Variants in CYYR1 observed in about 807,000 individuals in gnomAD.
CYYR1 encodes cysteine and tyrosine-rich protein 1.
In CYYR1, 14 loss-of-function variants were observed where a neutral mutation model predicts 15.2. That is an observed-to-expected ratio of 0.92 (90% CI 0.61 to 1.44). CYYR1 has a LOEUF of 1.44. Ranked by LOEUF, CYYR1 falls within the 40% of genes most tolerant of loss-of-function variation. CYYR1 has a pLI of 0.00. For synonymous variants in CYYR1, 80 were observed against 77.4 expected, an observed-to-expected ratio of 1.03 and a Z score of -0.18; for missense variants, 228 against 209.5, an observed-to-expected ratio of 1.09 and a Z score of -0.54.
At chr21:26,547,074 A>C (rs1193630652) in intron 2 of CYYR1, among the ~76,000 whole-genome samples, 1 of 151,852 alleles carries the variant, frequency 6.6e-6, no homozygotes, top group Non-Finnish European at 1.5e-5. Flanking sequence ...GGGTGCAAGG[A>C]CTCATTTTTA....
intron 3 of CYYR1, chr21:26,477,944 G>T (rs1185352757): frequency 1.5e-6 from 2 of 1,372,586 alleles, no homozygotes; most frequent in African/African-American, 3.0e-5. Context: ...CTTTTGTAGT[G>T]AGTACATTCC....
chr21:26,562,799 AACACACAC>A (rs57351372), intron 2 of CYYR1, among the ~76,000 whole-genome samples: 6 of 132,610 alleles, frequency 4.5e-5, no homozygotes, highest in South Asian at 2.6e-4. Context: ...GACATACACA[AACACACAC>A]ACACACACAC....
At chr21:26,539,312 C>T (rs1375239730) in intron 2 of CYYR1, among the ~76,000 whole-genome samples, 1 of 152,092 alleles carries the variant, frequency 6.6e-6, no homozygotes, top group Non-Finnish European at 1.5e-5. Flanking sequence ...TTTCACGAGC[C>T]AAGCAGGGGA....
intron 2 of CYYR1, among the ~76,000 whole-genome samples, chr21:26,543,946 T>C (rs1030409205): frequency 3.3e-4 from 50 of 151,806 alleles, no homozygotes; most frequent in African/African-American, 1.2e-3. Flanking sequence ...ATAAAATAAA[T>C]GGTCACACAT....
At chr21:26,537,338 T>C (rs222945) in intron 2 of CYYR1, among the ~76,000 whole-genome samples, 3,647 of 152,256 alleles carry the variant, frequency 0.024, 61 homozygotes, top group South Asian at 0.086. Context: ...ATCCTTTTTT[T>C]GCTTCACAAC....
At chr21:26,480,952 T>C (rs202120772) in intron 2 of CYYR1, among the ~76,000 whole-genome samples, 2 of 152,150 alleles carry the variant, frequency 1.3e-5, no homozygotes, top group South Asian at 2.1e-4. Context: ...TTCATATTTT[T>C]AAGCTACCCA....
At chr21:26,525,413 C>T (rs377004575) in intron 2 of CYYR1, among the ~76,000 whole-genome samples, 2 of 152,146 alleles carry the variant, frequency 1.3e-5, no homozygotes, top group South Asian at 2.1e-4. Flanking sequence ...AAGCAGTGAG[C>T]GTGGTTCCAG....
intron 2 of CYYR1, among the ~76,000 whole-genome samples, chr21:26,496,108 GTCAAA>G (rs1205117738): frequency 6.6e-6 from 1 of 152,212 alleles, no homozygotes; most frequent in East Asian, 1.9e-4. Flanking sequence ...TGGGCCTTAA[GTCAAA>G]TCGGTTAAAT....
At chr21:26,538,398 A>T (rs1978332866) in intron 2 of CYYR1, among the ~76,000 whole-genome samples, 2 of 152,196 alleles carry the variant, frequency 1.3e-5, no homozygotes, top group South Asian at 4.1e-4. Flanking sequence ...TCTTAATTTA[A>T]TTTCCAAGAG....
In CYYR1 at chr21:26,525,550, C is replaced by G. The variant is rs1312243738; in HGVS notation, c.176+40716G>C. Among the ~76,000 whole-genome samples the G allele has an allele frequency of 4.6e-5, 7 of 152,236 alleles. No individual in the cohort carries two copies. The East Asian group carries it at 1.4e-3, about 29-fold the overall frequency. ...TTTAGATTTCTATTCCTATTTTTGG[C>G]CCATGAAGATATTTATCTCATTTTT... On this transcript the variant is annotated intron_variant, in intron 2 of 3. Coordinates refer to ENST00000652641, the MANE Select transcript of CYYR1 (RefSeq NM_001320768.2).
At chr21:26,510,481 A>G (rs1163379256) in intron 2 of CYYR1, among the ~76,000 whole-genome samples, 2 of 152,234 alleles carry the variant, frequency 1.3e-5, no homozygotes, top group Non-Finnish European at 2.9e-5. Flanking sequence ...AAGATTACCG[A>G]AAGCAAAATT....
intron 2 of CYYR1, among the ~76,000 whole-genome samples, chr21:26,520,113 G>GATAGATATATATATATATATATATATAT (rs1323824516): frequency 2.5e-5 from 3 of 120,702 alleles, no homozygotes; most frequent in African/African-American, 1.0e-4. Flanking sequence ...AAACCCAGGA[G>GATAGATATATATATATATATATATATAT]ATATATATAT....
intron 2 of CYYR1, among the ~76,000 whole-genome samples, chr21:26,524,239 AT>A (rs1447427522): frequency 1.3e-5 from 2 of 152,134 alleles, no homozygotes; most frequent in Non-Finnish European, 2.9e-5. Context: ...TAACTATTTT[AT>A]TTCTCAAAAT....
intron 2 of CYYR1, among the ~76,000 whole-genome samples, chr21:26,545,653 C>T (rs370153162): frequency 1.1e-4 from 16 of 139,762 alleles, no homozygotes; most frequent in Non-Finnish European, 2.1e-4. Flanking sequence ...CTGCAAGCTC[C>T]GCCTCCCGGG....
At position 26,467,622 on chromosome 21, in the gene CYYR1, T is replaced by A. The variant is rs2064984051; in HGVS notation, c.*879A>T. ...TGCTACCTGTGGAACTTGATACAAT[T>A]TTTTTTTTCTCCCCACAGTTAGAAT... On this transcript the variant is annotated 3_prime_UTR_variant, in exon 4 of 4. Coordinates refer to ENST00000652641, the MANE Select transcript of CYYR1 (RefSeq NM_001320768.2). 1 of 150,958 alleles carries A rather than the reference T, an allele frequency of 6.6e-6. No homozygotes were observed. 9.4% of individuals were successfully genotyped at this position (150,958 alleles called of 1,614,324 possible). A position where few individuals can be genotyped will look rare whatever the true frequency, so the allele number is the denominator to read the frequency against.
intron 3 of CYYR1, among the ~76,000 whole-genome samples, chr21:26,476,953 G>T (rs554215376): frequency 3.9e-5 from 6 of 152,088 alleles, no homozygotes; most frequent in Non-Finnish European, 7.4e-5. Flanking sequence ...TGCAATTAAA[G>T]AGGACGTCTG....
intron 2 of CYYR1, among the ~76,000 whole-genome samples, chr21:26,509,914 T>C (rs1183258673): frequency 6.6e-6 from 1 of 152,188 alleles, no homozygotes. Flanking sequence ...ACTTGGCTAT[T>C]GGTGAGCACT....
intron 1 of CYYR1, among the ~76,000 whole-genome samples, chr21:26,572,028 A>T (rs1180813254): frequency 6.6e-6 from 1 of 152,242 alleles, no homozygotes; most frequent in Non-Finnish European, 1.5e-5. Flanking sequence ...TATCAAAGGT[A>T]AATTTCAGTG....
intron 2 of CYYR1, among the ~76,000 whole-genome samples, chr21:26,545,567 C>T (rs376003137): frequency 2.0e-3 from 149 of 73,662 alleles, no homozygotes; most frequent in Admixed American, 2.9e-3. Flanking sequence ...GATGCTTATT[C>T]TTTTTTTTTT....
Sources: allele counts gnomAD v4.1 joint callset (sites outside exome capture counted in the v4.1 genomes callset), GRCh38; gene constraint gnomAD v4.1.1; transcripts MANE v1.5; gene names NCBI Gene and HGNC (gene_info 2026-07-23, HGNC 2026-07-21).